TMEM233: variants seen among roughly 807,000 people sequenced by gnomAD.
TMEM233 encodes the protein dispanin subfamily B member 2.
Under a neutral mutation model 11.2 loss-of-function variants are expected in TMEM233, and 6 were observed. The ratio of observed to expected loss-of-function variants is 0.54; its 90% CI spans 0.29 to 1.06. The LOEUF (loss-of-function observed/expected upper bound fraction) is 1.06. Among genes scored for constraint, TMEM233 ranks in the 50% least tolerant of loss-of-function variants. TMEM233 has a pLI of 0.08. For missense variants in TMEM233, 127 were observed against 144.7 expected (o/e 0.88, Z 0.63); for synonymous variants, 59 against 55.8 (o/e 1.06, Z -0.26).
intron 1 of TMEM233, among the ~76,000 whole-genome samples, chr12:119,625,600 A>C (rs913894925): frequency 3.3e-5 from 5 of 152,172 alleles, no homozygotes; most frequent in African/African-American, 1.2e-4. Flanking sequence ...CCATGGGATG[A>C]TAAAGAGAGC....
chr12:119,619,359 G>A (rs1434394908), intron 1 of TMEM233, among the ~76,000 whole-genome samples: 1 of 152,168 alleles, frequency 6.6e-6, no homozygotes, highest in Non-Finnish European at 1.5e-5. Context: ...AAAAAGAGTA[G>A]GCTAGGCATG....
At chr12:119,645,728 G>A (rs550314513), downstream of TMEM233, among the ~76,000 whole-genome samples, 41 of 152,230 alleles carry the variant, frequency 2.7e-4, no homozygotes, top group East Asian at 1.2e-3. Flanking sequence ...GCAATGACCC[G>A]GTCACGGCGT....
At chr12:119,606,809 T>G (rs1954289922) in intron 1 of TMEM233, among the ~76,000 whole-genome samples, 1 of 152,242 alleles carries the variant, frequency 6.6e-6, no homozygotes, top group Admixed American at 6.5e-5. Context: ...CTGCTTAATA[T>G]TCATTATTGT....
chr12:119,653,623 TA>T, the TMEM233 span, among the ~76,000 whole-genome samples: 324 of 151,884 alleles, frequency 2.1e-3, no homozygotes, highest in African/African-American at 7.4e-3. Flanking sequence ...AAAAAAAAAT[TA>T]AAAAATTTTT....
intron 2 of TMEM233, 115 bp downstream of exon 2, chr12:119,629,987 T>C: frequency 8.4e-7 from 1 of 1,185,808 alleles, no homozygotes; most frequent in Non-Finnish European, 1.2e-6. Context: ...CCAAAGGGTT[T>C]TCATGTTTTC....
intron 2 of TMEM233, chr12:119,634,116 C>T (rs1276182269): frequency 3.8e-5 from 10 of 264,088 alleles, no homozygotes; most frequent in South Asian, 1.5e-4. Flanking sequence ...TTACAGCAAA[C>T]TCATCATCCT....
intron 1 of TMEM233, among the ~76,000 whole-genome samples, chr12:119,603,829 G>T (rs1296851731): frequency 1.3e-5 from 2 of 152,210 alleles, no homozygotes; most frequent in African/African-American, 4.8e-5. Flanking sequence ...ATGAATGAAT[G>T]ACTACATAGG....
chr12:119,605,842 C>A (rs982855919), intron 1 of TMEM233, among the ~76,000 whole-genome samples: 1 of 152,130 alleles, frequency 6.6e-6, no homozygotes, highest in African/African-American at 2.4e-5. Flanking sequence ...TCAAGCCTGG[C>A]AGAATTCCTC....
chr12:119,653,147 A>C, the TMEM233 span, among the ~76,000 whole-genome samples: 51 of 152,110 alleles, frequency 3.4e-4, no homozygotes, highest in Non-Finnish European at 5.0e-4. Context: ...TAATCCCAGC[A>C]CTTTGGGAGG....
intron 2 of TMEM233, chr12:119,634,148 C>A: frequency 1.9e-6 from 1 of 539,438 alleles, no homozygotes; most frequent in Non-Finnish European, 2.4e-6. Flanking sequence ...TAACCCAATG[C>A]TAGGGAGGGG....
At chr12:119,601,483 T>C (rs867157258) in intron 1 of TMEM233, among the ~76,000 whole-genome samples, 12 of 151,752 alleles carry the variant, frequency 7.9e-5, no homozygotes, top group East Asian at 1.9e-4. Flanking sequence ...GGTGAAACCC[T>C]GTCTCTACTA....
intron 1 of TMEM233, among the ~76,000 whole-genome samples, chr12:119,628,321 G>A (rs1328626823): frequency 6.6e-6 from 1 of 151,608 alleles, no homozygotes; most frequent in South Asian, 2.1e-4. Flanking sequence ...CATCACACCC[G>A]GCTAATTTTT....
intron 1 of TMEM233, among the ~76,000 whole-genome samples, chr12:119,603,279 C>CA (rs1954203453): frequency 6.6e-6 from 1 of 151,726 alleles, no homozygotes; most frequent in Admixed American, 6.6e-5. Flanking sequence ...TCAAAACAAA[C>CA]AAAAAAAGTA....
chr12:119,629,991 T>A, intron 2 of TMEM233, 119 bp downstream of exon 2: 1 of 1,165,582 alleles, frequency 8.6e-7, no homozygotes, highest in South Asian at 1.7e-5. Context: ...AGGGTTTTCA[T>A]GTTTTCTTCT....
chr12:119,601,057 A>G (rs1292076590), intron 1 of TMEM233, among the ~76,000 whole-genome samples: 1 of 152,216 alleles, frequency 6.6e-6, no homozygotes, highest in Non-Finnish European at 1.5e-5. Context: ...CCAGAAATCT[A>G]ACATCTAAAA....
intron 1 of TMEM233, among the ~76,000 whole-genome samples, chr12:119,608,926 G>T (rs1320904524): frequency 6.6e-6 from 1 of 152,110 alleles, no homozygotes; most frequent in Non-Finnish European, 1.5e-5. Context: ...AGCAGCATGA[G>T]AATGAATTAA....
chr12:119,599,194 A>T (rs921330900), intron 1 of TMEM233, among the ~76,000 whole-genome samples: 2 of 152,198 alleles, frequency 1.3e-5, no homozygotes, highest in Admixed American at 1.3e-4. Flanking sequence ...TTCTAAGACC[A>T]CTTAAAATGA....
intron 1 of TMEM233, among the ~76,000 whole-genome samples, chr12:119,614,546 T>C (rs968167209): frequency 2.6e-5 from 4 of 152,218 alleles, no homozygotes; most frequent in Admixed American, 2.6e-4. Flanking sequence ...TTAAGTAAAG[T>C]CATCTACCTG....
Position 119,594,355 on chromosome 12 carries a change from C to T in TMEM233, c.186+321C>T, listed in dbSNP as rs1054110274. ...GTTCTTCCGTGGACTTTGCTGACTC[C>T]TCTGACCTTCCTAGGCACTTGCCCG... is the stretch of plus-strand genomic sequence containing the variant. On this transcript the variant is annotated intron_variant, in intron 1 of 2. Transcript: ENST00000426426. This position sits in a 1 kb window ranked among gnomAD's most constrained non-coding sequence, Gnocchi z 5.6. 10 of 310,646 alleles carry T rather than the reference C, an allele frequency of 3.2e-5. No individual in the cohort carries two copies. The highest frequency in any genetic ancestry group is 2.2e-4 in the African/African-American group (10 of 46,384). The allele number at this position is 310,646 out of a possible 1,614,324, so 19.2% of individuals were successfully genotyped here.
Sources: gnomAD v4.1 joint callset for allele counts (sites outside exome capture counted in the v4.1 genomes callset) on GRCh38, gnomAD v4.1.1 for gene constraint, Gnocchi (gnomAD v3.1) non-coding constraint, MANE v1.5 for transcripts, NCBI Gene and HGNC (gene_info 2026-07-23, HGNC 2026-07-21) for gene names.